The following ABTB3 variants were observed in gnomAD, a reference collection of about 807,000 sequenced individuals.
The protein encoded by ABTB3 is ankyrin repeat- and BTB/POZ domain-containing protein 3.
chr12:107,458,528 C>T, the ABTB3 span, among the ~76,000 whole-genome samples: 1 of 152,084 alleles, frequency 6.6e-6, no homozygotes, highest in Non-Finnish European at 1.5e-5. Context: ...ATGGTGGGGC[C>T]AATGGGGACC....
chr12:107,573,780 A>T, the ABTB3 span, among the ~76,000 whole-genome samples: 1 of 152,138 alleles, frequency 6.6e-6, no homozygotes, highest in Non-Finnish European at 1.5e-5. Context: ...TCTGGGAAAA[A>T]TCAGTTTTTT....
chr12:107,349,430 A>T, the ABTB3 span, among the ~76,000 whole-genome samples: 1 of 152,218 alleles, frequency 6.6e-6, no homozygotes, highest in Non-Finnish European at 1.5e-5. Flanking sequence ...CCAGTTGCTC[A>T]TCTTCTGAAT....
At chr12:107,394,384 T>G in the ABTB3 span, among the ~76,000 whole-genome samples, 2 of 152,232 alleles carry the variant, frequency 1.3e-5, no homozygotes, top group Non-Finnish European at 2.9e-5. Flanking sequence ...TGAAAGGTAC[T>G]GTCATTAGTA....
the ABTB3 span, among the ~76,000 whole-genome samples, chr12:107,517,360 T>C: frequency 2.6e-5 from 4 of 152,324 alleles, no homozygotes; most frequent in African/African-American, 9.6e-5. Context: ...GGCTCTTTTT[T>C]GTTTCCATAT....
the ABTB3 span, among the ~76,000 whole-genome samples, chr12:107,440,563 G>T: frequency 6.6e-6 from 1 of 152,124 alleles, no homozygotes; most frequent in African/African-American, 2.4e-5. Context: ...TTGATTAGTT[G>T]TTTGTTTGTT....
the ABTB3 span, among the ~76,000 whole-genome samples, chr12:107,334,768 G>A: frequency 6.6e-6 from 1 of 152,098 alleles, no homozygotes; most frequent in East Asian, 1.9e-4. Flanking sequence ...CCCTTCCTTG[G>A]GCCAGATGGA....
At chr12:107,341,206 G>C in the ABTB3 span, among the ~76,000 whole-genome samples, 1 of 152,168 alleles carries the variant, frequency 6.6e-6, no homozygotes, top group Non-Finnish European at 1.5e-5. Flanking sequence ...TCATGGTTTT[G>C]CTCCTGACAC....
the ABTB3 span, among the ~76,000 whole-genome samples, chr12:107,491,699 T>C: frequency 6.6e-6 from 1 of 152,052 alleles, no homozygotes; most frequent in African/African-American, 2.4e-5. Context: ...GGCATGCGCC[T>C]GTAGTCGCAG....
chr12:107,653,205 A>G, the ABTB3 span, among the ~76,000 whole-genome samples: 1 of 152,186 alleles, frequency 6.6e-6, no homozygotes, highest in Non-Finnish European at 1.5e-5. Context: ...TGACGCTCCT[A>G]TTGCTTGTTG....
chr12:107,579,334 A>G, the ABTB3 span, among the ~76,000 whole-genome samples: 1 of 152,170 alleles, frequency 6.6e-6, no homozygotes, highest in East Asian at 1.9e-4. Flanking sequence ...AGAGAATGTC[A>G]ATATCACATG....
At chr12:107,452,637 C>T in the ABTB3 span, among the ~76,000 whole-genome samples, 4 of 152,052 alleles carry the variant, frequency 2.6e-5, no homozygotes, top group East Asian at 1.9e-4. Context: ...GTCAGGAGTT[C>T]GTGATCAGCC....
the ABTB3 span, chr12:107,581,205 A>T: frequency 6.7e-7 from 1 of 1,485,716 alleles, no homozygotes. Context: ...GCCGTGGCGC[A>T]CGCCGGCCAC....
the ABTB3 span, among the ~76,000 whole-genome samples, chr12:107,458,053 G>A: frequency 6.6e-6 from 1 of 152,052 alleles, no homozygotes; most frequent in Non-Finnish European, 1.5e-5. Flanking sequence ...CACAAAGTTG[G>A]GTGTGAGTAC....
chr12:107,372,562 G>A, the ABTB3 span, among the ~76,000 whole-genome samples: 1 of 152,246 alleles, frequency 6.6e-6, no homozygotes, highest in East Asian at 1.9e-4. Flanking sequence ...GACTAAATCA[G>A]CATAATAAAC....
chr12:107,320,087 C>CAG, the ABTB3 span: 1 of 1,440,878 alleles, frequency 6.9e-7, no homozygotes, highest in Admixed American at 2.1e-5. Flanking sequence ...TAAGTGTCTG[C>CAG]GCGGGTGCCA....
the ABTB3 span, among the ~76,000 whole-genome samples, chr12:107,513,136 C>T: frequency 1.3e-5 from 2 of 152,184 alleles, no homozygotes; most frequent in South Asian, 4.1e-4. Context: ...AAGCAGAGTG[C>T]CTGGCCCATA....
the ABTB3 span, among the ~76,000 whole-genome samples, chr12:107,646,107 G>C: frequency 6.6e-6 from 1 of 152,258 alleles, no homozygotes; most frequent in African/African-American, 2.4e-5. Context: ...ACGCAGCTGA[G>C]GCTGCACCTG....
At chr12:107,434,268 T>C in the ABTB3 span, among the ~76,000 whole-genome samples, 1 of 152,136 alleles carries the variant, frequency 6.6e-6, no homozygotes, top group Non-Finnish European at 1.5e-5. Flanking sequence ...GAGCTGCCCC[T>C]AGCAGGCACA....
chr12:107,319,975 G>A, the ABTB3 span: 13 of 1,583,920 alleles, frequency 8.2e-6, no homozygotes, highest in South Asian at 1.0e-4. Context: ...AGGCGCCCAA[G>A]TTCACCGTGG....
Sources: allele counts gnomAD v4.1 joint callset (sites outside exome capture counted in the v4.1 genomes callset), GRCh38; gene constraint gnomAD v4.1.1; transcripts MANE v1.5; gene names NCBI Gene and HGNC (gene_info 2026-07-23, HGNC 2026-07-21).